ERCC3: variants seen among roughly 807,000 people sequenced by gnomAD.
ERCC3 encodes the protein general transcription and DNA repair factor IIH helicase/translocase subunit XPB.
In ERCC3, 66 loss-of-function variants were observed where a neutral mutation model predicts 94.2. The observed-to-expected ratio is 0.70, with a 90% CI of 0.57 to 0.86. The LOEUF (loss-of-function observed/expected upper bound fraction) is 0.86, where lower values mean the gene tolerates loss of function less well. Among genes scored for constraint, ERCC3 ranks in the 40% least tolerant of loss-of-function variants. ERCC3 has a pLI of 0.00. For missense variants in ERCC3, 829 were observed against 987.1 expected, an observed-to-expected ratio of 0.84 and a Z score of 2.15; for synonymous variants, 349 against 369.1, an observed-to-expected ratio of 0.95 and a Z score of 0.63.
chr2:127,290,556 C>T, intron 3 of ERCC3: 1 of 482,758 alleles, frequency 2.1e-6, no homozygotes, highest in South Asian at 2.0e-5. Flanking sequence ...CCTCTCTATT[C>T]CCACAGCCCC....
rs1319949323 is a variant in ERCC3 at position 127,294,057 on chromosome 2, G to C, written c.25C>G (p.Arg9Gly). Reference protein sequence around the residue: MGKRDRADRDKKKSRKRHY... With the variant: MGKRDRADGDKKKSRKRHY... Reference sequence around the variant, plus strand: ...GCGTGCCCGCGCAACGTCTCACCGCGGTCCGCTCGGTCTCTTTTGCCCATG... The same window carrying C: ...GCGTGCCCGCGCAACGTCTCACCGCCGTCCGCTCGGTCTCTTTTGCCCATG... The change falls in exon 1 of 15, where the codon CGC becomes GGC. Residue 9 changes from arginine (R) to glycine (G), a missense_variant. Transcript: ENST00000285398. The C allele has an allele frequency of 1.9e-6, 3 of 1,607,192 alleles. No individual in the cohort carries two copies. The highest frequency in any genetic ancestry group is 2.5e-6 in the Non-Finnish European group (3 of 1,179,428).
rs2104725975 is a variant in ERCC3 at position 127,257,707 on chromosome 2, G to A, written c.2238C>T (p.Thr746=). ...CGTCGGCCCCAGACATAGAACTCAT[G>A]GTGCCAAAGCGCCGAGATGCCTGCC... ...RSSQASRRFG[T]MSSMSGADDT... Residue 746 remains threonine (T), a synonymous_variant, in exon 15 of 15, where the codon ACC becomes ACT. Transcript: ENST00000285398. This position sits in a 1 kb window ranked among gnomAD's most constrained non-coding sequence, Gnocchi z 5.4. The A allele has an allele frequency of 6.2e-7, 1 of 1,614,212 alleles. No individual in the cohort carries two copies.
Position 127,280,673 on chromosome 2 carries a change from CTTATTTT to C in ERCC3, c.1343-49_1343-43del. ...AGCATTCACACTGTCACTTTTCTTT[CTTATTTT>C]TTATTTATTTATTTTAAAATATTTT... On this transcript the variant is annotated intron_variant, in intron 8 of 14. Coordinates refer to ENST00000285398, the MANE Select transcript of ERCC3 (RefSeq NM_000122.2). This position sits in a 1 kb window ranked among gnomAD's most constrained non-coding sequence, Gnocchi z 6.3. 6.5e-7 allele frequency: 1 copy of C among 1,527,502 alleles called. No individual in the cohort carries two copies. Among genetic ancestry groups the C allele is most frequent in the South Asian group, 1.2e-5 (1 of 86,804 alleles). The allele number at this position is 1,527,502 out of a possible 1,614,324, so 94.6% of individuals were successfully genotyped here.
Position 127,274,380 on chromosome 2 carries a change from T to C in ERCC3, c.1731-1419A>G, listed in dbSNP as rs568122571. Among the ~76,000 whole-genome samples the C allele has an allele frequency of 1.3e-5, 2 of 151,778 alleles. No homozygotes were observed. Among genetic ancestry groups the C allele is most frequent in the East Asian group, 1.9e-4 (1 of 5,166 alleles). On this transcript the variant is annotated intron_variant, in intron 10 of 14. Transcript: ENST00000285398. The surrounding 1 kb of genome is among the most constrained non-coding windows in gnomAD (Gnocchi z 4.0). ...CCAGCCCTGCCAAGATTCCTCAGCATTGTAAAAGACAGGTTTCATGTTCCC... is the reference window on the plus strand; with the variant it reads ...CCAGCCCTGCCAAGATTCCTCAGCACTGTAAAAGACAGGTTTCATGTTCCC...
rs947992601 is a variant in ERCC3 at position 127,286,726 on chromosome 2, A to G, written c.1319T>C (p.Leu440Pro). The G allele has an allele frequency of 6.2e-7, 1 of 1,614,068 alleles. No homozygotes were observed. Among genetic ancestry groups the G allele is most frequent in the East Asian group, 2.2e-5 (1 of 44,868 alleles). Residue 440 changes from leucine (L) to proline (P), a missense_variant, in exon 8 of 15, where the codon CTG becomes CCG. Leu to Pro is a moderately conservative substitution (Grantham distance 98). Coordinates refer to ENST00000285398, the MANE Select transcript of ERCC3 (RefSeq NM_000122.2). The stretch of plus-strand genomic sequence containing the variant: ...ACCTGGTATGGTGTGCACTTCATCC[A>G]GGATCATGAGGCCCCACTCCTGGGT... ...LKTQEWGLMI[L>P]DEVHTIPAKM...
In ERCC3 at chr2:127,288,796, G is replaced by T. The variant is rs758268800; in HGVS notation, c.891C>A (p.Phe297Leu). The change falls in exon 7 of 15, where the codon TTC becomes TTA. Residue 297 changes from phenylalanine (F) to leucine (L), a missense_variant. Transcript: ENST00000285398. ...TATCAGGGTTGACAGAATCATTCCGGAAGTCATATTCTGCCAACAGAGGGT... is the reference window on the plus strand; with the variant it reads ...TATCAGGGTTGACAGAATCATTCCGTAAGTCATATTCTGCCAACAGAGGGT... Reference protein sequence around the residue: ...LEYPLLAEYDFRNDSVNPDIN... With the variant: ...LEYPLLAEYDLRNDSVNPDIN... 1 of 1,614,012 alleles carries T rather than the reference G, an allele frequency of 6.2e-7. No homozygotes were observed. Among genetic ancestry groups the T allele is most frequent in the Non-Finnish European group, 8.5e-7 (1 of 1,179,904 alleles).
chr2:127,293,976 C>A, intron 1 of ERCC3, 78 bp downstream of exon 1: 2 of 1,569,162 alleles, frequency 1.3e-6, no homozygotes, highest in East Asian at 2.3e-5. Context: ...CGCAGAGGCC[C>A]GGAGCAGCTC....
chr2:127,291,279 G>A lies in ERCC3; in HGVS notation c.472-1006C>T, dbSNP rs1685262573. ...TTCTTTTTTGTTGTTGTTCTGAGGC[G>A]GAGTCTCACTCTGTTGCCCAGGCTG... On this transcript the variant is annotated intron_variant, in intron 3 of 14. Transcript: ENST00000285398. The surrounding 1 kb of genome is among the most constrained non-coding windows in gnomAD (Gnocchi z 4.9). 1.3e-5 allele frequency among the ~76,000 whole-genome samples: 2 copies of A among 151,540 alleles called. No individual in the cohort carries two copies. The highest frequency in any genetic ancestry group is 2.1e-4 in the South Asian group (1 of 4,788).
At chr2:127,287,372 C>T (rs1258440015) in intron 7 of ERCC3, among the ~76,000 whole-genome samples, 1 of 152,078 alleles carries the variant, frequency 6.6e-6, no homozygotes, top group African/African-American at 2.4e-5. Flanking sequence ...GTGGCTCATA[C>T]CTGTAATCCC....
chr2:127,262,506 A>ATGT (rs1684225580), intron 12 of ERCC3: 1 of 152,272 alleles, frequency 6.6e-6, no homozygotes, highest in African/African-American at 2.4e-5. Flanking sequence ...AAAACAAACA[A>ATGT]ACAAAACATT....
Position 127,291,639 on chromosome 2 carries a change from T to C in ERCC3, c.471+971A>G, listed in dbSNP as rs1685273840. 6.6e-6 allele frequency among the ~76,000 whole-genome samples: 1 copy of C among 152,178 alleles called. No homozygotes were observed. The highest frequency in any genetic ancestry group is 1.5e-5 in the Non-Finnish European group (1 of 68,036). On this transcript the variant is annotated intron_variant, in intron 3 of 14. Transcript: ENST00000285398. The surrounding 1 kb of genome is among the most constrained non-coding windows in gnomAD (Gnocchi z 4.9). The stretch of plus-strand genomic sequence containing the variant: ...TTCTCTGGGACTGGCTGCAGTACCA[T>C]ACTGAATTCCTGTGGCACTCTTCTG...
At position 127,293,661 on chromosome 2, in the gene ERCC3, G is replaced by A. The variant is rs562762727; in HGVS notation, c.86C>T (p.Ala29Val). The change falls in exon 2 of 15, where the codon GCC becomes GTC. Residue 29 changes from alanine to valine, a missense_variant. Coordinates refer to ENST00000285398, the MANE Select transcript of ERCC3 (RefSeq NM_000122.2). Reference sequence around the variant, plus strand: ...CGCTTCCTGAGGGTCGTTCCCCGGGGCGTCCTCTTCATCATCCTCTTCATC... The same window carrying A: ...CGCTTCCTGAGGGTCGTTCCCCGGGACGTCCTCTTCATCATCCTCTTCATC... ...YEDEEDDEED[A>V]PGNDPQEAVP... 2 of 1,614,102 alleles carry A rather than the reference G, an allele frequency of 1.2e-6. No homozygotes were observed. Among genetic ancestry groups the A allele is most frequent in the East Asian group, 4.5e-5 (2 of 44,876 alleles).
intron 10 of ERCC3, among the ~76,000 whole-genome samples, chr2:127,275,062 A>G (rs1046529459): frequency 1.3e-5 from 2 of 152,192 alleles, no homozygotes; most frequent in African/African-American, 2.4e-5. Context: ...CCACACTGCC[A>G]TATAACCCTA....
chr2:127,268,144 G>C lies in ERCC3; in HGVS notation c.1945+3192C>G, dbSNP rs553767445. On this transcript the variant is annotated intron_variant, in intron 12 of 14. Transcript: ENST00000285398. ...AATTTTTGTATTTTTAGTGGAGATG[G>C]GGTTTCACCATGTTGGCCAGGCTGG... Among the ~76,000 whole-genome samples the C allele has an allele frequency of 2.6e-5, 4 of 152,130 alleles. No homozygotes were observed. In the South Asian group the frequency reaches 8.3e-4, roughly 32 times the overall value.
At chr2:127,283,609 C>T (rs748425205) in intron 8 of ERCC3, among the ~76,000 whole-genome samples, 2 of 152,186 alleles carry the variant, frequency 1.3e-5, no homozygotes, top group Non-Finnish European at 2.9e-5. Flanking sequence ...ACTGATGGGT[C>T]ATGTGGTAAT....
Position 127,259,239 on chromosome 2 carries a change from A to G in ERCC3, c.2217+57T>C. On this transcript the variant is annotated intron_variant, in intron 14 of 14. Coordinates refer to ENST00000285398, the MANE Select transcript of ERCC3 (RefSeq NM_000122.2). This position sits in a 1 kb window ranked among gnomAD's most constrained non-coding sequence, Gnocchi z 4.9. ...GGACTACATGTCTGTGTCTGTGTCTACAAACGCTGCCCTGTGAGAGCACTG... is the reference window on the plus strand; with the variant it reads ...GGACTACATGTCTGTGTCTGTGTCTGCAAACGCTGCCCTGTGAGAGCACTG... 1 of 1,602,960 alleles carries G rather than the reference A, an allele frequency of 6.2e-7. No homozygotes were observed. The highest frequency in any genetic ancestry group is 8.5e-7 in the Non-Finnish European group (1 of 1,170,406).
chr2:127,282,691 T>C (rs1231910719), intron 8 of ERCC3, among the ~76,000 whole-genome samples: 1 of 152,216 alleles, frequency 6.6e-6, no homozygotes, highest in African/African-American at 2.4e-5. Flanking sequence ...ACAATGAGCA[T>C]GGCCAGGCCA....
Position 127,281,469 on chromosome 2 carries a change from T to C in ERCC3, c.1343-838A>G, listed in dbSNP as rs556272062. Among the ~76,000 whole-genome samples, 117 of 152,366 alleles carry C rather than the reference T, an allele frequency of 7.7e-4. 1 individual carries two copies. Among genetic ancestry groups the C allele is most frequent in the African/African-American group, 2.7e-3 (114 of 41,590 alleles). On this transcript the variant is annotated intron_variant, in intron 8 of 14. Transcript: ENST00000285398. Reference sequence around the variant, plus strand: ...ATAAACACATAAAGGGTATGAGTTATTCATTTTTAAAAAACCTAATTTATG... The same window carrying C: ...ATAAACACATAAAGGGTATGAGTTACTCATTTTTAAAAAACCTAATTTATG...
At position 127,266,904 on chromosome 2, in the gene ERCC3, C is replaced by T. The variant is rs371371371; in HGVS notation, c.1945+4432G>A. Among the ~76,000 whole-genome samples, 231 of 152,006 alleles carry T rather than the reference C, an allele frequency of 1.5e-3. 1 individual carries two copies. Among genetic ancestry groups the T allele is most frequent in the African/African-American group, 4.9e-3 (204 of 41,464 alleles). On this transcript the variant is annotated intron_variant, in intron 12 of 14. Transcript: ENST00000285398. The stretch of plus-strand genomic sequence containing the variant: ...GCTAATTTTTGTATTTTAGTAGAGA[C>T]GGGGTTTCACCGTGTTGCCCAGGCT...
Sources: allele counts gnomAD v4.1 joint callset (sites outside exome capture counted in the v4.1 genomes callset), GRCh38; gene constraint gnomAD v4.1.1; non-coding constraint Gnocchi (gnomAD v3.1); transcripts MANE v1.5; gene names NCBI Gene and HGNC (gene_info 2026-07-23, HGNC 2026-07-21).